Variants in SP140 observed in about 807,000 individuals in gnomAD.
SP140 encodes nuclear body protein SP140.
SP140 carries 81 observed loss-of-function variants against 125.0 expected under a neutral mutation model. The observed-to-expected ratio is 0.65, with a 90% CI of 0.54 to 0.78. The LOEUF (loss-of-function observed/expected upper bound fraction) is 0.78. SP140 is among the 30% of genes least tolerant of loss of function. The pLI is 0.00. For synonymous variants in SP140, 312 were observed against 354.0 expected, an observed-to-expected ratio of 0.88 and a Z score of 1.33; for missense variants, 858 against 1,037.0, an observed-to-expected ratio of 0.83 and a Z score of 2.37.
At chr2:230,187,342 T>C in the SP140 span, among the ~76,000 whole-genome samples, 1 of 151,914 alleles carries the variant, frequency 6.6e-6, no homozygotes, top group South Asian at 2.1e-4. Flanking sequence ...CCACTTTTTG[T>C]GGGATTTTTT....
chr2:230,286,513 G>A (rs537317513), intron 17 of SP140, among the ~76,000 whole-genome samples: 63 of 152,308 alleles, frequency 4.1e-4, no homozygotes, highest in Non-Finnish European at 7.8e-4. Context: ...AGGTGCAGCC[G>A]TGAAATGACA....
chr2:230,223,142 T>G (rs2045961654), upstream of SP140, among the ~76,000 whole-genome samples: 1 of 152,022 alleles, frequency 6.6e-6, no homozygotes, highest in Non-Finnish European at 1.5e-5. Flanking sequence ...GTTCAAGTGA[T>G]TCTCTTTCCT....
At chr2:230,215,478 T>A (rs994087448) in intron 3 of SP140, among the ~76,000 whole-genome samples, 9 of 152,198 alleles carry the variant, frequency 5.9e-5, no homozygotes, top group Admixed American at 5.9e-4. Context: ...GCAGGATACT[T>A]CAGCAATGGT....
In SP140 at chr2:230,245,013, G is replaced by A. The variant is rs2149169894; in HGVS notation, c.597G>A (p.Gln199=). The change falls in exon 6 of 27, where the codon CAG becomes CAA. Residue 199 remains glutamine (Q), a synonymous_variant. Transcript: ENST00000392045. ...EPGFSSESCE[Q]LALPKAGGGD... ...GTTTCTCTTCAGAGTCTTGTGAGCA[G>A]TTAGCTCTCCCAAAGGCTGGTGGAG... 6.2e-7 allele frequency: 1 copy of A among 1,613,142 alleles called. No homozygotes were observed. Among genetic ancestry groups the A allele is most frequent in the Non-Finnish European group, 8.5e-7 (1 of 1,179,380 alleles).
chr2:230,196,363 A>C, the SP140 span, among the ~76,000 whole-genome samples: 1 of 152,120 alleles, frequency 6.6e-6, no homozygotes, highest in East Asian at 1.9e-4. Context: ...CCATGCAGTT[A>C]AAAAAATAGA....
At position 230,245,823 on chromosome 2, in the gene SP140, C is replaced by T. The variant is rs562826050; in HGVS notation, c.665-40C>T. 7 of 1,328,594 alleles carry T rather than the reference C, an allele frequency of 5.3e-6. No homozygotes were observed. The East Asian group carries it at 1.6e-4, about 30-fold the overall frequency. The allele number at this position is 1,328,594 out of a possible 1,614,324, so 82.3% of individuals were successfully genotyped here. A position where few individuals can be genotyped will look rare whatever the true frequency, so the allele number is the denominator to read the frequency against. On this transcript the variant is annotated intron_variant, in intron 6 of 26. Transcript: ENST00000392045. Reference sequence around the variant, plus strand: ...CATGGATCCAGGTAGGTGTCCAGGTCACTGCCAATTGTCTGTCATGTTCCT... The same window carrying T: ...CATGGATCCAGGTAGGTGTCCAGGTTACTGCCAATTGTCTGTCATGTTCCT...
the SP140 span, among the ~76,000 whole-genome samples, chr2:230,198,089 G>T: frequency 3.3e-5 from 5 of 152,348 alleles, no homozygotes; most frequent in South Asian, 1.0e-3. Flanking sequence ...ATCACATGAA[G>T]TTCTCTGTAG....
chr2:230,305,836 G>A (rs2149584055), intron 22 of SP140, among the ~76,000 whole-genome samples: 1 of 152,378 alleles, frequency 6.6e-6, no homozygotes, highest in Non-Finnish European at 1.5e-5. Flanking sequence ...GCCGCCAGAG[G>A]CCGTGTCCCT....
At chr2:230,301,197 C>G (rs2149547758) in intron 22 of SP140, among the ~76,000 whole-genome samples, 1 of 152,322 alleles carries the variant, frequency 6.6e-6, no homozygotes, top group East Asian at 1.9e-4. Context: ...AGCAAGAAAT[C>G]TAAAAGTTTG....
At chr2:230,226,973 G>C (rs941487762) in intron 1 of SP140, among the ~76,000 whole-genome samples, 1 of 152,022 alleles carries the variant, frequency 6.6e-6, no homozygotes, top group African/African-American at 2.4e-5. Flanking sequence ...TATAAGTCTA[G>C]AGATGATTTA....
At chr2:230,238,871 T>C in intron 3 of SP140, 2 of 1,552,068 alleles carry the variant, frequency 1.3e-6, no homozygotes, top group Non-Finnish European at 1.7e-6. Flanking sequence ...GAGCTGCATG[T>C]GAAAGCTATG....
intron 1 of SP140, among the ~76,000 whole-genome samples, chr2:230,227,653 G>C (rs957596783): frequency 6.6e-6 from 1 of 152,118 alleles, no homozygotes; most frequent in East Asian, 1.9e-4. Context: ...TGCAAGTTTT[G>C]GTTAGTTTGC....
intron 15 of SP140, among the ~76,000 whole-genome samples, chr2:230,271,535 G>T (rs1252912852): frequency 6.6e-6 from 1 of 152,206 alleles, no homozygotes; most frequent in Non-Finnish European, 1.5e-5. Flanking sequence ...ACATAAGAAA[G>T]ATGTGGAAAG....
intron 12 of SP140, among the ~76,000 whole-genome samples, chr2:230,264,905 C>A (rs975251191): frequency 2.6e-5 from 4 of 151,954 alleles, no homozygotes; most frequent in Non-Finnish European, 5.9e-5. Context: ...CCATGGGGGT[C>A]CTTTGGTGGT....
chr2:230,263,900 A>G (rs1282001920), intron 12 of SP140, among the ~76,000 whole-genome samples: 1 of 152,112 alleles, frequency 6.6e-6, no homozygotes, highest in Non-Finnish European at 1.5e-5. Context: ...ACAGCTCTAA[A>G]GATTCTTTCC....
the SP140 span, among the ~76,000 whole-genome samples, chr2:230,192,457 G>C: frequency 6.6e-6 from 1 of 152,132 alleles, no homozygotes; most frequent in Non-Finnish European, 1.5e-5. Flanking sequence ...CAAAATCAAT[G>C]TGCAAAAATC....
chr2:230,313,920 T>C (rs1442504992), downstream of SP140, among the ~76,000 whole-genome samples: 2 of 152,192 alleles, frequency 1.3e-5, no homozygotes, highest in East Asian at 1.9e-4. Flanking sequence ...TTGGTGGCTA[T>C]TGCTAAGTGC....
At chr2:230,214,952 C>A in intron 3 of SP140, 1 of 1,613,642 alleles carries the variant, frequency 6.2e-7, no homozygotes, top group South Asian at 1.1e-5. Flanking sequence ...CTCATTACCA[C>A]GTTTGAAGCT....
intron 3 of SP140, chr2:230,219,980 T>C: frequency 2.0e-6 from 2 of 985,518 alleles, no homozygotes; most frequent in Non-Finnish European, 1.2e-6. Context: ...AAACAGGAAG[T>C]CTGTGCTTTG....
Sources: gnomAD v4.1 joint callset for allele counts (sites outside exome capture counted in the v4.1 genomes callset) on GRCh38, gnomAD v4.1.1 for gene constraint, MANE v1.5 for transcripts, NCBI Gene and HGNC (gene_info 2026-07-23, HGNC 2026-07-21) for gene names.